Variants in ANO4 observed in about 807,000 individuals in gnomAD.
ANO4 encodes the protein anoctamin 4.
In ANO4, 69 loss-of-function variants were observed where a neutral mutation model predicts 141.9. That is an observed-to-expected ratio of 0.49 (90% CI 0.40 to 0.59). The LOEUF is 0.59. Among genes scored for constraint, ANO4 ranks in the 20% least tolerant of loss-of-function variants. The pLI is 0.00. For synonymous variants in ANO4, 350 were observed against 394.3 expected, an observed-to-expected ratio of 0.89 and a Z score of 1.33; for missense variants, 894 against 1,162.2, an observed-to-expected ratio of 0.77 and a Z score of 3.36.
intron 1 of ANO4, among the ~76,000 whole-genome samples, chr12:100,821,818 A>G (rs973517916): frequency 5.9e-5 from 9 of 152,040 alleles, no homozygotes; most frequent in Non-Finnish European, 1.3e-4. Context: ...ATTTTTGTAC[A>G]TATATCTTAC....
intron 16 of ANO4, 112 bp from the exon 17 acceptor site, chr12:101,086,548 G>A: frequency 8.6e-7 from 1 of 1,160,448 alleles, no homozygotes; most frequent in Admixed American, 1.8e-5. Context: ...CTCTTGAGCA[G>A]TACTGCCATG....
intron 14 of ANO4, among the ~76,000 whole-genome samples, 178 bp downstream of exon 14, chr12:101,048,579 G>C (rs1235301813): frequency 6.6e-6 from 1 of 152,174 alleles, no homozygotes; most frequent in Non-Finnish European, 1.5e-5. Context: ...TTGTAGAAGA[G>C]AGACATGTCT....
At chr12:101,116,541 C>T in intron 24 of ANO4, 138 bp from the exon 25 acceptor site, 1 of 1,251,012 alleles carries the variant, frequency 8.0e-7, no homozygotes, top group East Asian at 2.3e-5. Context: ...CGTATCCCAA[C>T]CTGAGTCCTG....
At chr12:100,930,797 A>AT (rs927802439) in intron 3 of ANO4, among the ~76,000 whole-genome samples, 1 of 152,132 alleles carries the variant, frequency 6.6e-6, no homozygotes, top group Non-Finnish European at 1.5e-5. Context: ...AGTAAAATGT[A>AT]TTTTTCCCCA....
chr12:100,807,523 T>C (rs759847784), intron 1 of ANO4, among the ~76,000 whole-genome samples: 11 of 152,206 alleles, frequency 7.2e-5, no homozygotes, highest in Admixed American at 1.3e-4. Context: ...AATCATGTTT[T>C]GGAGAAAGGG....
At chr12:100,817,162 G>C (rs1171670646) in intron 1 of ANO4, among the ~76,000 whole-genome samples, 1 of 151,870 alleles carries the variant, frequency 6.6e-6, no homozygotes. Flanking sequence ...TATATGCTAT[G>C]TAGATCTTTC....
intron 3 of ANO4, among the ~76,000 whole-genome samples, chr12:100,741,254 A>G (rs1217082346): frequency 6.6e-6 from 1 of 151,574 alleles, no homozygotes; most frequent in East Asian, 1.9e-4. Flanking sequence ...TCTGGAAATA[A>G]ATCTTTGAAT....
chr12:100,771,965 C>A (rs2033319206), intron 3 of ANO4, among the ~76,000 whole-genome samples: 1 of 152,178 alleles, frequency 6.6e-6, no homozygotes, highest in Non-Finnish European at 1.5e-5. Context: ...TGCCTATGAT[C>A]ACACATGAAA....
intron 2 of ANO4, among the ~76,000 whole-genome samples, chr12:100,911,690 G>A (rs2041109487): frequency 6.6e-6 from 1 of 152,126 alleles, no homozygotes; most frequent in Admixed American, 6.5e-5. Context: ...TTAGGGAACA[G>A]ACTGTCTTCT....
chr12:101,119,985 T>G lies in ANO4; in HGVS notation c.2571-535T>G, dbSNP rs78336712. Reference sequence around the variant, plus strand: ...CTCTTCTAGTGGCAAGTGGCAGAAATCCAGGGTAAACTGACTTAAACAACA... The same window carrying G: ...CTCTTCTAGTGGCAAGTGGCAGAAAGCCAGGGTAAACTGACTTAAACAACA... On this transcript the variant is annotated intron_variant, in intron 25 of 27. Transcript: ENST00000392977. Among the ~76,000 whole-genome samples the G allele has an allele frequency of 5.1e-3, 772 of 152,254 alleles. 8 individuals are homozygous for G. Among genetic ancestry groups the G allele is most frequent in the African/African-American group, 0.017 (712 of 41,562 alleles).
chr12:100,806,608 G>A (rs572716364), intron 1 of ANO4, among the ~76,000 whole-genome samples: 8 of 125,798 alleles, frequency 6.4e-5, no homozygotes, highest in African/African-American at 2.4e-4. Flanking sequence ...GCCGTGGCGT[G>A]ATCTCGGCTC....
intron 8 of ANO4, among the ~76,000 whole-genome samples, chr12:100,999,902 A>T (rs568064378): frequency 1.2e-3 from 175 of 151,498 alleles, no homozygotes; most frequent in African/African-American, 4.1e-3. Flanking sequence ...AAAAAACTTT[A>T]GCCAGGCATG....
chr12:100,984,912 GA>G (rs1372146185), intron 7 of ANO4, among the ~76,000 whole-genome samples: 2 of 37,680 alleles, frequency 5.3e-5, no homozygotes, highest in East Asian at 1.2e-3. Flanking sequence ...AGTTATGCCT[GA>G]TTTTTTTTTT....
At chr12:100,780,065 C>T (rs1043370494) in intron 3 of ANO4, among the ~76,000 whole-genome samples, 1 of 152,022 alleles carries the variant, frequency 6.6e-6, no homozygotes, top group Non-Finnish European at 1.5e-5. Context: ...ACCCTGTCAT[C>T]CAGGCTGGAG....
chr12:100,876,814 G>A (rs777549347), intron 1 of ANO4, among the ~76,000 whole-genome samples: 2 of 152,134 alleles, frequency 1.3e-5, no homozygotes, highest in Admixed American at 6.5e-5. Context: ...TGGTTGATGT[G>A]CCTGTTTTTA....
chr12:100,893,332 T>C (rs537884871), intron 1 of ANO4, among the ~76,000 whole-genome samples: 108 of 151,772 alleles, frequency 7.1e-4, no homozygotes, highest in Non-Finnish European at 1.3e-3. Flanking sequence ...TTATTGGAGG[T>C]GTGTTCATCA....
intron 7 of ANO4, among the ~76,000 whole-genome samples, chr12:100,976,769 A>T (rs1008860221): frequency 6.6e-6 from 1 of 152,232 alleles, no homozygotes; most frequent in African/African-American, 2.4e-5. Context: ...ACAAAAACCA[A>T]TATCAAAGAA....
chr12:100,858,963 AT>A (rs1320507427), intron 1 of ANO4: 2 of 152,180 alleles, frequency 1.3e-5, no homozygotes, highest in Non-Finnish European at 2.9e-5. Flanking sequence ...ATGTATCTGG[AT>A]TTTTATCTGC....
rs1181076136 is a variant in ANO4, at chr12:100,955,147, A to G, written c.456+12612A>G. 3.3e-5 allele frequency among the ~76,000 whole-genome samples: 5 copies of G among 152,332 alleles called. No individual in the cohort carries two copies. The East Asian group carries it at 9.6e-4, about 29-fold the overall frequency. ...CTGGAGAATAAAAAATAAATGTTCT[A>G]GTTATCTATTATTGTATAACAAACA... On this transcript the variant is annotated intron_variant, in intron 5 of 27. Coordinates refer to ENST00000392977, the MANE Select transcript of ANO4 (RefSeq NM_001286615.2).
Sources: allele counts gnomAD v4.1 joint callset (sites outside exome capture counted in the v4.1 genomes callset), GRCh38; gene constraint gnomAD v4.1.1; transcripts MANE v1.5; gene names NCBI Gene and HGNC (gene_info 2026-07-23, HGNC 2026-07-21).